The following DEPTOR variants were observed in gnomAD, a reference collection of about 807,000 sequenced individuals.
The protein encoded by DEPTOR is DEP domain-containing mTOR-interacting protein.
In DEPTOR, 41 loss-of-function variants were observed where a neutral mutation model predicts 41.6. The ratio of observed to expected loss-of-function variants is 0.98; its 90% CI spans 0.77 to 1.28. The LOEUF (loss-of-function observed/expected upper bound fraction) is 1.28, where lower values mean the gene tolerates loss of function less well. DEPTOR is among the 50% of genes most tolerant of loss of function. DEPTOR has a pLI of 0.00. For synonymous variants in DEPTOR, 195 were observed against 192.3 expected (o/e 1.01, Z -0.12); for missense variants, 514 against 527.9 (o/e 0.97, Z 0.26).
At chr8:120,029,694 C>T (rs1207916533) in intron 8 of DEPTOR, among the ~76,000 whole-genome samples, 1 of 152,118 alleles carries the variant, frequency 6.6e-6, no homozygotes, top group Non-Finnish European at 1.5e-5. Context: ...CCGCACCCAG[C>T]CAAGTTTTAA....
At chr8:119,956,156 G>A (rs1828414598) in intron 3 of DEPTOR, among the ~76,000 whole-genome samples, 1 of 152,216 alleles carries the variant, frequency 6.6e-6, no homozygotes. Context: ...AAGCCACCAA[G>A]TTTGGGAGTA....
intron 1 of DEPTOR, chr8:119,891,271 T>A (rs10955941): frequency 0.5 from 75,437 of 151,702 alleles, 20,421 homozygotes; most frequent in East Asian, 0.92. Context: ...TACTCTGAGC[T>A]TTCACGATGT....
intron 1 of DEPTOR, among the ~76,000 whole-genome samples, chr8:119,898,590 G>A (rs536316585): frequency 1.3e-5 from 2 of 152,154 alleles, no homozygotes; most frequent in Admixed American, 1.3e-4. Flanking sequence ...TTGGCATGGT[G>A]GCATGTGCCT....
rs115133361 is a variant in DEPTOR, at chr8:120,019,787, A to C, written c.1101+10654A>C. Among the ~76,000 whole-genome samples the C allele has an allele frequency of 3.3e-3, 502 of 152,276 alleles. 1 individual carries two copies. Among genetic ancestry groups the C allele is most frequent in the African/African-American group, 0.011 (476 of 41,566 alleles). On this transcript the variant is annotated intron_variant, in intron 8 of 8. Transcript: ENST00000286234. Reference sequence around the variant, plus strand: ...TAAATCTGAATAATTCTTCAGTCTTAGAAATATGTCTTGAGTTCTCTGAGG... The same window carrying C: ...TAAATCTGAATAATTCTTCAGTCTTCGAAATATGTCTTGAGTTCTCTGAGG...
At chr8:119,982,564 A>G (rs184405195) in intron 4 of DEPTOR, among the ~76,000 whole-genome samples, 1 of 152,306 alleles carries the variant, frequency 6.6e-6, no homozygotes, top group Non-Finnish European at 1.5e-5. Flanking sequence ...GCAACACATA[A>G]CAGAAAGTGC....
intron 4 of DEPTOR, among the ~76,000 whole-genome samples, chr8:119,973,264 T>C (rs1828656267): frequency 6.6e-6 from 1 of 151,196 alleles, no homozygotes; most frequent in South Asian, 2.1e-4. Flanking sequence ...AAACAGGTTT[T>C]TGCTCTGTTG....
chr8:119,970,295 T>C (rs1225829038), intron 4 of DEPTOR, among the ~76,000 whole-genome samples: 1 of 152,244 alleles, frequency 6.6e-6, no homozygotes, highest in Admixed American at 6.5e-5. Context: ...CTTTGTATGT[T>C]GTACTTATTA....
At chr8:120,046,019 G>A (rs1813148101) in intron 8 of DEPTOR, among the ~76,000 whole-genome samples, 1 of 152,062 alleles carries the variant, frequency 6.6e-6, no homozygotes, top group Non-Finnish European at 1.5e-5. Context: ...GCCTCCAAGA[G>A]CTCTGCAATC....
At chr8:119,977,292 T>C (rs1393723418) in intron 4 of DEPTOR, among the ~76,000 whole-genome samples, 2 of 152,060 alleles carry the variant, frequency 1.3e-5, no homozygotes, top group Non-Finnish European at 2.9e-5. Context: ...CATGAGCCAC[T>C]GCACATGACC....
chr8:120,028,073 C>G (rs1812826782), intron 8 of DEPTOR, among the ~76,000 whole-genome samples: 1 of 152,194 alleles, frequency 6.6e-6, no homozygotes, highest in South Asian at 2.1e-4. Context: ...CATTGATTTT[C>G]ATGCCTCAAA....
intron 1 of DEPTOR, among the ~76,000 whole-genome samples, chr8:119,906,981 G>A (rs7007672): frequency 0.72 from 109,197 of 152,024 alleles, 39,673 homozygotes; most frequent in East Asian, 0.95. Flanking sequence ...TGAAAGGACT[G>A]TCAACATGGT....
chr8:119,915,171 T>A (rs1004260033), intron 1 of DEPTOR, among the ~76,000 whole-genome samples: 5 of 151,890 alleles, frequency 3.3e-5, no homozygotes, highest in Admixed American at 6.6e-5. Flanking sequence ...TTCACCATGT[T>A]GGCCAGGATG....
chr8:119,874,033 T>G, intron 1 of DEPTOR, 65 bp downstream of exon 1: 3 of 1,591,770 alleles, frequency 1.9e-6, no homozygotes, highest in Non-Finnish European at 1.7e-6. Context: ...GCTGCAGTCC[T>G]GCGCGCACGC....
chr8:120,012,071 GA>G (rs1345392770), intron 8 of DEPTOR, among the ~76,000 whole-genome samples: 2 of 150,428 alleles, frequency 1.3e-5, no homozygotes, highest in Non-Finnish European at 3.0e-5. Context: ...CTGGCAGGAG[GA>G]AAAAAAAACC....
chr8:119,939,721 T>C (rs1235555730), intron 3 of DEPTOR, among the ~76,000 whole-genome samples: 1 of 151,964 alleles, frequency 6.6e-6, no homozygotes, highest in African/African-American at 2.4e-5. Flanking sequence ...GTGATCCGCC[T>C]GACTCAGCCT....
chr8:119,924,050 C>A (rs980505399), intron 1 of DEPTOR, among the ~76,000 whole-genome samples: 1 of 152,176 alleles, frequency 6.6e-6, no homozygotes, highest in Non-Finnish European at 1.5e-5. Flanking sequence ...ATCTCCTTAG[C>A]ACCTTCCTAA....
At chr8:119,944,162 C>T (rs1482446093) in intron 3 of DEPTOR, among the ~76,000 whole-genome samples, 1 of 152,124 alleles carries the variant, frequency 6.6e-6, no homozygotes, top group African/African-American at 2.4e-5. Flanking sequence ...TTTATTAACC[C>T]ATTTGCATAG....
At chr8:119,915,424 G>A (rs546051626) in intron 1 of DEPTOR, among the ~76,000 whole-genome samples, 3 of 152,184 alleles carry the variant, frequency 2.0e-5, no homozygotes, top group Non-Finnish European at 2.9e-5. Flanking sequence ...TCAAGAGTGA[G>A]TATAATCTGG....
intron 3 of DEPTOR, among the ~76,000 whole-genome samples, chr8:119,953,648 G>A (rs1261589566): frequency 6.6e-6 from 1 of 151,818 alleles, no homozygotes; most frequent in African/African-American, 2.4e-5. Flanking sequence ...ATGATCTACG[G>A]TTAATAGACT....
Sources: allele counts gnomAD v4.1 joint callset (sites outside exome capture counted in the v4.1 genomes callset), GRCh38; gene constraint gnomAD v4.1.1; transcripts MANE v1.5; gene names NCBI Gene and HGNC (gene_info 2026-07-23, HGNC 2026-07-21).